Variants in SESTD1 observed in about 807,000 individuals in gnomAD.
The protein encoded by SESTD1 is SEC14 domain and spectrin repeat-containing protein 1.
SESTD1 carries 43 observed loss-of-function variants against 101.7 expected under a neutral mutation model. That is an observed-to-expected ratio of 0.42 (90% CI 0.33 to 0.55). The LOEUF (loss-of-function observed/expected upper bound fraction) is 0.55. Among genes scored for constraint, SESTD1 ranks in the 20% least tolerant of loss-of-function variants. The pLI is 0.07. For missense variants in SESTD1, 647 were observed against 815.1 expected, an observed-to-expected ratio of 0.79 and a Z score of 2.51; for synonymous variants, 283 against 286.8, an observed-to-expected ratio of 0.99 and a Z score of 0.13.
intron 1 of SESTD1, among the ~76,000 whole-genome samples, chr2:179,213,191 A>C (rs1188120989): frequency 7.4e-6 from 1 of 134,938 alleles, no homozygotes; most frequent in African/African-American, 2.9e-5. Context: ...CAGTAATAAC[A>C]AAGTTCTCCG....
Position 179,104,270 on chromosome 2 carries a change from T to C in SESTD1, c.*5629A>G, listed in dbSNP as rs1288274947. ...CTCTGGTTTATAACTGTCAAAGTGG[T>C]ATTTCGATCCTTTCACCTTTACAAA... On this transcript the variant is annotated 3_prime_UTR_variant, in exon 18 of 18. Coordinates refer to ENST00000428443, the MANE Select transcript of SESTD1 (RefSeq NM_178123.5). 6.6e-6 allele frequency: 1 copy of C among 152,156 alleles called. No homozygotes were observed. The highest frequency in any genetic ancestry group is 2.4e-5 in the African/African-American group (1 of 41,446). The allele number at this position is 152,156 out of a possible 1,614,324, so 9.4% of individuals were successfully genotyped here. A position where few individuals can be genotyped will look rare whatever the true frequency, so the allele number is the denominator to read the frequency against.
intron 1 of SESTD1, among the ~76,000 whole-genome samples, chr2:179,202,130 C>A (rs1295024679): frequency 7.6e-6 from 1 of 132,320 alleles, no homozygotes. Context: ...ATTGCCTCTC[C>A]CCATGTTAAA....
intron 1 of SESTD1, among the ~76,000 whole-genome samples, chr2:179,230,195 G>A (rs1447891422): frequency 1.6e-5 from 2 of 127,196 alleles, no homozygotes; most frequent in African/African-American, 3.1e-5. Context: ...ATGCGGTAGC[G>A]CGATCTCAGC....
At position 179,102,184 on chromosome 2, in the gene SESTD1, A is replaced by ACTT; in HGVS notation, c.*7712_*7714dup. On this transcript the variant is annotated 3_prime_UTR_variant, in exon 18 of 18. Coordinates refer to ENST00000428443, the MANE Select transcript of SESTD1 (RefSeq NM_178123.5). ...ACATGAGACGTAGAGAAAGCACTGA[A>ACTT]CTTCTGTGCCAAGCCTGTGGGAAGG... 1 of 152,128 alleles carries ACTT rather than the reference A, an allele frequency of 6.6e-6. No individual in the cohort carries two copies. The highest frequency in any genetic ancestry group is 1.9e-4 in the East Asian group (1 of 5,194). 9.4% of individuals were successfully genotyped at this position (152,128 alleles called of 1,614,324 possible).
intron 14 of SESTD1, among the ~76,000 whole-genome samples, chr2:179,117,134 G>A (rs2044651615): frequency 1.3e-5 from 2 of 152,284 alleles, no homozygotes; most frequent in African/African-American, 4.8e-5. Flanking sequence ...ATATCTAACT[G>A]AAATGATGTT....
At chr2:179,192,371 T>C (rs1017119732) in intron 1 of SESTD1, among the ~76,000 whole-genome samples, 2 of 152,224 alleles carry the variant, frequency 1.3e-5, no homozygotes, top group Non-Finnish European at 2.9e-5. Context: ...TGATTTCTCA[T>C]ATTTTTGCTC....
chr2:179,218,895 GC>G (rs1246619398), intron 1 of SESTD1, among the ~76,000 whole-genome samples: 1 of 152,150 alleles, frequency 6.6e-6, no homozygotes, highest in Non-Finnish European at 1.5e-5. Flanking sequence ...GACATTTCTG[GC>G]ATTCCCAAAC....
In SESTD1 at chr2:179,105,496, G is replaced by GA. The variant is rs1407680851; in HGVS notation, c.*4402dup. The stretch of plus-strand genomic sequence containing the variant: ...GTGTGTAATTCTGAAGATGCATTCT[G>GA]ATACACTAGTGAACTGGGGGTGACG... On this transcript the variant is annotated 3_prime_UTR_variant, in exon 18 of 18. Transcript: ENST00000428443. 1 of 152,008 alleles carries GA rather than the reference G, an allele frequency of 6.6e-6. No individual in the cohort carries two copies. The highest frequency in any genetic ancestry group is 6.6e-5 in the Admixed American group (1 of 15,244). 9.4% of individuals were successfully genotyped at this position (152,008 alleles called of 1,614,324 possible). A position where few individuals can be genotyped will look rare whatever the true frequency, so the allele number is the denominator to read the frequency against.
At chr2:179,153,191 A>G (rs762913494) in intron 5 of SESTD1, among the ~76,000 whole-genome samples, 2 of 152,232 alleles carry the variant, frequency 1.3e-5, no homozygotes, top group South Asian at 2.1e-4. Context: ...CAAAACTGAC[A>G]TAAGAAAACA....
At chr2:179,216,955 T>C (rs2046730264) in intron 1 of SESTD1, among the ~76,000 whole-genome samples, 1 of 150,858 alleles carries the variant, frequency 6.6e-6, no homozygotes, top group Non-Finnish European at 1.5e-5. Context: ...ACTGGATCCC[T>C]TCCTTAAACC....
chr2:179,173,479 A>G (rs888867731), intron 4 of SESTD1, among the ~76,000 whole-genome samples: 1 of 152,226 alleles, frequency 6.6e-6, no homozygotes, highest in African/African-American at 2.4e-5. Flanking sequence ...ATATAATAGA[A>G]CACATGCTAT....
intron 8 of SESTD1, among the ~76,000 whole-genome samples, chr2:179,144,932 G>A: frequency 6.6e-6 from 1 of 152,062 alleles, no homozygotes; most frequent in Middle Eastern, 3.6e-3. Context: ...TAAATCTAGA[G>A]CAGTATTTTT....
At chr2:179,197,306 A>G (rs186046128) in intron 1 of SESTD1, among the ~76,000 whole-genome samples, 1 of 152,316 alleles carries the variant, frequency 6.6e-6, no homozygotes, top group Admixed American at 6.5e-5. Flanking sequence ...ATATGGGACT[A>G]CGTGAAAAGA....
chr2:179,264,051 G>A (rs555741856), intron 1 of SESTD1: 3 of 152,316 alleles, frequency 2.0e-5, no homozygotes, highest in Admixed American at 2.0e-4. Flanking sequence ...CGAGAGCAGG[G>A]AGCCACATCT....
At chr2:179,248,356 AATT>A (rs1443584567) in intron 1 of SESTD1, among the ~76,000 whole-genome samples, 1 of 152,162 alleles carries the variant, frequency 6.6e-6, no homozygotes, top group African/African-American at 2.4e-5. Flanking sequence ...CTTTAAAAGG[AATT>A]AACACCAATT....
At chr2:179,263,041 G>C (rs375599564) in intron 1 of SESTD1, among the ~76,000 whole-genome samples, 2 of 152,274 alleles carry the variant, frequency 1.3e-5, no homozygotes, top group East Asian at 3.9e-4. Context: ...GGAAAAACTA[G>C]AGTGGGCCCA....
intron 1 of SESTD1, among the ~76,000 whole-genome samples, chr2:179,197,258 A>G (rs961804823): frequency 5.9e-5 from 9 of 151,406 alleles, no homozygotes; most frequent in Non-Finnish European, 1.0e-4. Context: ...AAATTTAGAG[A>G]AAAAAAAATA....
intron 5 of SESTD1, among the ~76,000 whole-genome samples, chr2:179,158,069 A>G (rs1479046737): frequency 1.3e-5 from 2 of 152,178 alleles, no homozygotes; most frequent in East Asian, 3.8e-4. Flanking sequence ...CTGAAAACAT[A>G]CAAAACTAGC....
intron 1 of SESTD1, among the ~76,000 whole-genome samples, chr2:179,254,874 T>C (rs1339279211): frequency 1.3e-5 from 2 of 152,244 alleles, no homozygotes; most frequent in Admixed American, 1.3e-4. Flanking sequence ...TGTCAGCTCA[T>C]TTTTCCAACA....
Sources: allele counts gnomAD v4.1 joint callset (sites outside exome capture counted in the v4.1 genomes callset), GRCh38; gene constraint gnomAD v4.1.1; transcripts MANE v1.5; gene names NCBI Gene and HGNC (gene_info 2026-07-23, HGNC 2026-07-21).